The following LMO3 variants were observed in gnomAD, a reference collection of about 807,000 sequenced individuals.
LMO3 encodes LIM domain only 3.
A neutral mutation model predicts 15.8 loss-of-function variants in LMO3; 2 were observed. The ratio of observed to expected loss-of-function variants is 0.13; its 90% CI spans 0.05 to 0.40. The LOEUF is 0.40. Ranked by LOEUF, LMO3 falls within the 10% of genes least tolerant of loss-of-function variation. The probability of loss-of-function intolerance (pLI) is 0.99; values close to 1 mark genes in which losing one functional copy is unlikely to be tolerated. For missense variants in LMO3, 86 were observed against 182.2 expected, an observed-to-expected ratio of 0.47 and a Z score of 3.04; for synonymous variants, 62 against 63.8, an observed-to-expected ratio of 0.97 and a Z score of 0.13.
At chr12:16,605,654 G>T in intron 1 of LMO3, 1 of 1,065,752 alleles carries the variant, frequency 9.4e-7, no homozygotes, top group Non-Finnish European at 1.4e-6. Flanking sequence ...CTATGGGCTG[G>T]GAGCAAACAC....
chr12:16,557,565 A>T (rs1035567263), intron 3 of LMO3, among the ~76,000 whole-genome samples: 3 of 152,048 alleles, frequency 2.0e-5, no homozygotes, highest in African/African-American at 7.2e-5. Context: ...CCAGATAGAG[A>T]TATGAGCATT....
intron 2 of LMO3, among the ~76,000 whole-genome samples, chr12:16,575,053 C>T (rs910609354): frequency 1.3e-5 from 2 of 152,052 alleles, no homozygotes; most frequent in Admixed American, 6.5e-5. Flanking sequence ...AAGGTGTTTT[C>T]GTTTGTTTAT....
intron 2 of LMO3, among the ~76,000 whole-genome samples, chr12:16,579,877 T>C (rs780680030): frequency 6.6e-5 from 10 of 152,196 alleles, no homozygotes; most frequent in Non-Finnish European, 1.3e-4. Flanking sequence ...ATAATGATTA[T>C]CCATTGTTAT....
At chr12:16,592,889 A>G (rs535341166) in intron 2 of LMO3, among the ~76,000 whole-genome samples, 1 of 152,028 alleles carries the variant, frequency 6.6e-6, no homozygotes, top group African/African-American at 2.4e-5. Flanking sequence ...GTAAATAAAC[A>G]TCTCTGTTAG....
At chr12:16,558,586 C>T (rs1392413581) in intron 3 of LMO3, among the ~76,000 whole-genome samples, 1 of 152,060 alleles carries the variant, frequency 6.6e-6, no homozygotes, top group Non-Finnish European at 1.5e-5. Flanking sequence ...AATTTATTTT[C>T]GTCTAAATGT....
chr12:16,568,847 C>T (rs1294454962), intron 2 of LMO3, among the ~76,000 whole-genome samples: 1 of 152,058 alleles, frequency 6.6e-6, no homozygotes, highest in Admixed American at 6.6e-5. Context: ...AACTTTGAAA[C>T]AAATGGAGAT....
chr12:16,568,669 C>T (rs11056999), intron 2 of LMO3, among the ~76,000 whole-genome samples: 54,156 of 152,086 alleles, frequency 0.36, 10,278 homozygotes, highest in African/African-American at 0.49. Context: ...GGATACATTG[C>T]ATTAAATACG....
At position 16,559,762 on chromosome 12, in the gene LMO3, G is replaced by A. The variant is rs1235174795; in HGVS notation, c.332+651C>T. On this transcript the variant is annotated intron_variant, in intron 3 of 3. Coordinates refer to ENST00000537304, the MANE Select transcript of LMO3 (RefSeq NM_018640.5). This position sits in a 1 kb window ranked among gnomAD's most constrained non-coding sequence, Gnocchi z 4.1. ...GGCCAGGAGTTTGAGACCAGCCTGG[G>A]TAACATAGTGAAACTCCATCATCTC... Among the ~76,000 whole-genome samples the A allele has an allele frequency of 1.3e-5, 2 of 150,854 alleles. No individual in the cohort carries two copies. The highest frequency in any genetic ancestry group is 3.0e-5 in the Non-Finnish European group (2 of 67,750).
rs1473263131 is a variant in LMO3 at position 16,584,342 on chromosome 12, TCCTTAAAGGAGAGG to T, written c.206+16299_206+16312del. On this transcript the variant is annotated intron_variant, in intron 2 of 3. Coordinates refer to ENST00000537304, the MANE Select transcript of LMO3 (RefSeq NM_018640.5). This position sits in a 1 kb window ranked among gnomAD's most constrained non-coding sequence, Gnocchi z 5.2. Reference sequence around the variant, plus strand: ...GTTGACAGCTGAAAGAAAAGTTGCCTCCTTAAAGGAGAGGCAAGTTTCAGGTAAGGCAACAGATG... The same window carrying T: ...GTTGACAGCTGAAAGAAAAGTTGCCTCAAGTTTCAGGTAAGGCAACAGATG... 6.6e-6 allele frequency among the ~76,000 whole-genome samples: 1 copy of T among 152,104 alleles called. No individual in the cohort carries two copies. The highest frequency in any genetic ancestry group is 1.5e-5 in the Non-Finnish European group (1 of 68,028).
rs1277979595 is a variant in LMO3 at position 16,566,014 on chromosome 12, AT to A, written c.207-5477del. Among the ~76,000 whole-genome samples, 42 of 81,372 alleles carry A rather than the reference AT, an allele frequency of 5.2e-4. 1 individual carries two copies. The highest frequency in any genetic ancestry group is 1.7e-3 in the African/African-American group (40 of 22,912). 53.4% of individuals were successfully genotyped at this position (81,372 alleles called of 152,430 possible). A position where few individuals can be genotyped will look rare whatever the true frequency, so the allele number is the denominator to read the frequency against. ...TATATATATATATATATATATATAT[AT>A]ATATATATATATATATATATATATA... On this transcript the variant is annotated intron_variant, in intron 2 of 3. Transcript: ENST00000537304.
intron 2 of LMO3, among the ~76,000 whole-genome samples, chr12:16,562,800 A>C (rs776318391): frequency 6.6e-6 from 1 of 152,190 alleles, no homozygotes; most frequent in Non-Finnish European, 1.5e-5. Flanking sequence ...TGTTGCATCT[A>C]AACAAAGTCC....
intron 1 of LMO3, chr12:16,605,664 C>A: frequency 1.7e-6 from 2 of 1,165,100 alleles, no homozygotes; most frequent in Admixed American, 2.1e-5. Context: ...GGAGCAAACA[C>A]TTCCTAATTC....
rs918851757 is a variant in LMO3, at chr12:16,556,811, G to A, written c.332+3602C>T. Among the ~76,000 whole-genome samples the A allele has an allele frequency of 5.9e-5, 9 of 152,092 alleles. No individual in the cohort carries two copies. The East Asian group carries it at 1.2e-3, about 20-fold the overall frequency. Reference sequence around the variant, plus strand: ...ACTGATGAAGATTAGCTGACTTCCCGCATTAGTTTGTCTTGTAGGGGCTGA... The same window carrying A: ...ACTGATGAAGATTAGCTGACTTCCCACATTAGTTTGTCTTGTAGGGGCTGA... On this transcript the variant is annotated intron_variant, in intron 3 of 3. Transcript: ENST00000537304.
At chr12:16,572,712 T>G (rs1402454325) in intron 2 of LMO3, among the ~76,000 whole-genome samples, 5 of 148,088 alleles carry the variant, frequency 3.4e-5, no homozygotes, top group Non-Finnish European at 6.0e-5. Flanking sequence ...TATATATAAT[T>G]TAAATATATT....
rs544302780 is a variant in LMO3, at chr12:16,603,345, T to C, written c.-8-2477A>G. On this transcript the variant is annotated intron_variant, in intron 1 of 3. Coordinates refer to ENST00000537304, the MANE Select transcript of LMO3 (RefSeq NM_018640.5). This position sits in a 1 kb window ranked among gnomAD's most constrained non-coding sequence, Gnocchi z 4.9. ...CTTGAATTCCATGCAAGTTAACAAT[T>C]GTAGCAAAAGAACTATTTTGTAGTC... Among the ~76,000 whole-genome samples, 4 of 152,300 alleles carry C rather than the reference T, an allele frequency of 2.6e-5. No individual in the cohort carries two copies. Among genetic ancestry groups the C allele is most frequent in the South Asian group, 4.1e-4 (2 of 4,828 alleles).
At chr12:16,564,971 G>A (rs1479847401) in intron 2 of LMO3, among the ~76,000 whole-genome samples, 2 of 151,992 alleles carry the variant, frequency 1.3e-5, no homozygotes, top group Admixed American at 6.6e-5. Flanking sequence ...AAAAAAATTT[G>A]TAGAGATGGG....
chr12:16,590,439 A>G (rs1264827094), intron 2 of LMO3, among the ~76,000 whole-genome samples: 1 of 152,072 alleles, frequency 6.6e-6, no homozygotes, highest in East Asian at 1.9e-4. Flanking sequence ...ATTATTTTAC[A>G]TGTTTTGTAA....
At chr12:16,579,782 A>G (rs902661169) in intron 2 of LMO3, among the ~76,000 whole-genome samples, 1 of 152,216 alleles carries the variant, frequency 6.6e-6, no homozygotes, top group East Asian at 1.9e-4. Flanking sequence ...GGCCGAGTGA[A>G]TGCGATACTT....
chr12:16,572,676 A>G (rs1404778639), intron 2 of LMO3, among the ~76,000 whole-genome samples: 1 of 147,984 alleles, frequency 6.8e-6, no homozygotes, highest in Admixed American at 6.8e-5. Flanking sequence ...TTAAATATAT[A>G]GATTATATAT....
Sources: gnomAD v4.1 joint callset for allele counts (sites outside exome capture counted in the v4.1 genomes callset) on GRCh38, gnomAD v4.1.1 for gene constraint, Gnocchi (gnomAD v3.1) non-coding constraint, MANE v1.5 for transcripts, NCBI Gene and HGNC (gene_info 2026-07-23, HGNC 2026-07-21) for gene names.